Variants in NR2F1-AS1 observed in about 807,000 individuals in gnomAD.
The protein encoded by NR2F1-AS1 is NR2F1 regulatory antisense RNA 1, also known as NR2F1 antisense RNA 1.
chr5:93,566,022 C>A (rs932654707), intron 1 of NR2F1-AS1, among the ~76,000 whole-genome samples: 1 of 151,526 alleles, frequency 6.6e-6, no homozygotes, highest in African/African-American at 2.4e-5. Context: ...AGTGTTTCAT[C>A]GTCAGATTGG....
At chr5:93,440,585 C>G (rs1270077404) in intron 4 of NR2F1-AS1, among the ~76,000 whole-genome samples, 1 of 152,172 alleles carries the variant, frequency 6.6e-6, no homozygotes, top group Non-Finnish European at 1.5e-5. Context: ...ATACCACGAG[C>G]TCTCCCTAGT....
At chr5:93,452,337 T>G (rs1749855186) in intron 4 of NR2F1-AS1, among the ~76,000 whole-genome samples, 1 of 152,168 alleles carries the variant, frequency 6.6e-6, no homozygotes. Context: ...TTTCAGACAC[T>G]GGATAATAGA....
chr5:93,557,584 A>G (rs1004452719), intron 2 of NR2F1-AS1, among the ~76,000 whole-genome samples: 1 of 152,222 alleles, frequency 6.6e-6, no homozygotes, highest in Non-Finnish European at 1.5e-5. Flanking sequence ...TGCTAAAAAA[A>G]AAAATGTGAA....
intron 4 of NR2F1-AS1, among the ~76,000 whole-genome samples, chr5:93,474,825 T>G (rs113298683): frequency 2.0e-5 from 3 of 152,148 alleles, no homozygotes; most frequent in Non-Finnish European, 4.4e-5. Context: ...ATTCAGTCTA[T>G]AGCAAAGATG....
intron 4 of NR2F1-AS1, among the ~76,000 whole-genome samples, chr5:93,468,807 T>A: frequency 6.6e-6 from 1 of 152,224 alleles, no homozygotes; most frequent in East Asian, 1.9e-4. Flanking sequence ...TTAATCCATC[T>A]TGAGTTAATT....
At chr5:93,483,160 T>C (rs1472450651) in intron 4 of NR2F1-AS1, among the ~76,000 whole-genome samples, 2 of 152,068 alleles carry the variant, frequency 1.3e-5, no homozygotes, top group Non-Finnish European at 2.9e-5. Flanking sequence ...CTGGGAGATA[T>C]CTCCCAGCAA....
chr5:93,410,617 C>T (rs1232822837), intron 4 of NR2F1-AS1: 1 of 152,194 alleles, frequency 6.6e-6, no homozygotes, highest in Non-Finnish European at 1.5e-5. Flanking sequence ...AGTTCCATCC[C>T]AAAACCATCC....
At chr5:93,558,231 T>A (rs1561501633) in intron 2 of NR2F1-AS1, among the ~76,000 whole-genome samples, 2 of 152,198 alleles carry the variant, frequency 1.3e-5, no homozygotes, top group East Asian at 1.9e-4. Flanking sequence ...GAAGGGTGAA[T>A]CTTTGCTAGA....
At chr5:93,529,105 GTAGACTTC>G (rs1561485051) in intron 4 of NR2F1-AS1, among the ~76,000 whole-genome samples, 1 of 152,166 alleles carries the variant, frequency 6.6e-6, no homozygotes, top group African/African-American at 2.4e-5. Context: ...TATAGAATGT[GTAGACTTC>G]TTAAACTTCT....
intron 4 of NR2F1-AS1, chr5:93,409,806 C>G (rs2149838161): frequency 6.6e-6 from 1 of 152,314 alleles, no homozygotes; most frequent in South Asian, 2.1e-4. Flanking sequence ...ATTCAAAGAA[C>G]ACTTTAAATC....
rs1160593623 is a variant in NR2F1-AS1, at chr5:93,491,033, T to C, written n.638+62728A>G. Among the ~76,000 whole-genome samples, 3 of 145,710 alleles carry C rather than the reference T, an allele frequency of 2.1e-5. No homozygotes were observed. In the East Asian group the frequency reaches 6.3e-4, roughly 30 times the overall value. ...ATGGGAGTGGTGGTGGTGGTAGTGA[T>C]AGCTGTGGTGGTGGTGGTGGCGGTG... On this transcript the variant is annotated intron_variant and non_coding_transcript_variant, in intron 4 of 5. Coordinates refer to ENST00000660523, the Ensembl canonical transcript of NR2F1-AS1.
At chr5:93,452,624 C>T (rs1749861546) in intron 4 of NR2F1-AS1, among the ~76,000 whole-genome samples, 1 of 152,166 alleles carries the variant, frequency 6.6e-6, no homozygotes, top group South Asian at 2.1e-4. Flanking sequence ...CTCCTCAAGG[C>T]TGAGGAAAGA....
intron 2 of NR2F1-AS1, among the ~76,000 whole-genome samples, chr5:93,562,962 T>C (rs1226216429): frequency 1.3e-5 from 2 of 152,196 alleles, no homozygotes; most frequent in African/African-American, 2.4e-5. Context: ...TTTTACATCA[T>C]GCAAATCTAA....
At chr5:93,464,249 G>C (rs1271424355) in intron 4 of NR2F1-AS1, among the ~76,000 whole-genome samples, 1 of 152,136 alleles carries the variant, frequency 6.6e-6, no homozygotes, top group Non-Finnish European at 1.5e-5. Context: ...CACTGCACAA[G>C]CTCTCTTTTC....
chr5:93,437,074 T>G (rs1476077449), intron 4 of NR2F1-AS1, among the ~76,000 whole-genome samples: 1 of 152,170 alleles, frequency 6.6e-6, no homozygotes, highest in Non-Finnish European at 1.5e-5. Flanking sequence ...TTCAATTGTT[T>G]AAGATAAAAA....
chr5:93,429,143 C>T (rs557770275), intron 4 of NR2F1-AS1, among the ~76,000 whole-genome samples: 1 of 152,242 alleles, frequency 6.6e-6, no homozygotes, highest in African/African-American at 2.4e-5. Flanking sequence ...GTCAGAGCTG[C>T]ATTTATTTTT....
chr5:93,431,859 AAT>A (rs2149847044), intron 4 of NR2F1-AS1, among the ~76,000 whole-genome samples: 1 of 152,318 alleles, frequency 6.6e-6, no homozygotes, highest in African/African-American at 2.4e-5. Context: ...GAGTTTGATT[AAT>A]ATGTTTTATA....
At chr5:93,550,226 T>C (rs1479799397) in intron 4 of NR2F1-AS1, among the ~76,000 whole-genome samples, 2 of 152,142 alleles carry the variant, frequency 1.3e-5, no homozygotes, top group African/African-American at 2.4e-5. Context: ...AGTAGAGTTA[T>C]GCATGAAGAA....
At chr5:93,580,201 T>C (rs1752990786) in intron 1 of NR2F1-AS1, among the ~76,000 whole-genome samples, 1 of 152,204 alleles carries the variant, frequency 6.6e-6, no homozygotes, top group Non-Finnish European at 1.5e-5. Flanking sequence ...AGCAGCCTGT[T>C]TTGAATGTGG....
Sources: allele counts gnomAD v4.1 joint callset (sites outside exome capture counted in the v4.1 genomes callset), GRCh38; gene constraint gnomAD v4.1.1; transcripts MANE v1.5; gene names NCBI Gene and HGNC (gene_info 2026-07-23, HGNC 2026-07-21).